FKBP1B: variants seen among roughly 807,000 people sequenced by gnomAD.
FKBP1B encodes FKBP prolyl isomerase 1B.
A neutral mutation model predicts 13.5 loss-of-function variants in FKBP1B; 4 were observed. The observed-to-expected ratio is 0.30, with a 90% CI of 0.15 to 0.68. The LOEUF (loss-of-function observed/expected upper bound fraction) is 0.68. Among genes scored for constraint, FKBP1B ranks in the 30% least tolerant of loss-of-function variants. FKBP1B has a pLI of 0.76. For synonymous variants in FKBP1B, 54 were observed against 53.6 expected, an observed-to-expected ratio of 1.01 and a Z score of -0.03; for missense variants, 93 against 136.2, an observed-to-expected ratio of 0.68 and a Z score of 1.58.
chr2:24,040,755 G>A, the FKBP1B span, among the ~76,000 whole-genome samples: 1,319 of 152,266 alleles, frequency 8.7e-3, 6 homozygotes, highest in Non-Finnish European at 0.013. Flanking sequence ...GGTGACTCAC[G>A]CCTATAATCC....
chr2:24,049,735 G>A (rs1663756325), upstream of FKBP1B: 2 of 812,692 alleles, frequency 2.5e-6, no homozygotes, highest in South Asian at 4.9e-5. Flanking sequence ...CACCTCCTCC[G>A]GCTCTGCAGT....
the FKBP1B span, among the ~76,000 whole-genome samples, chr2:24,036,427 T>C: frequency 6.6e-6 from 1 of 151,604 alleles, no homozygotes; most frequent in African/African-American, 2.4e-5. Context: ...GGGTCACTGA[T>C]CAGATTGGTG....
At chr2:24,063,019 C>T (rs1311791944) in intron 3 of FKBP1B, 45 bp from the exon 4 acceptor site, 4 of 1,614,114 alleles carry the variant, frequency 2.5e-6, no homozygotes, top group Non-Finnish European at 3.4e-6. Context: ...TTAAATCAAG[C>T]TGGGTCCTCT....
the FKBP1B span, among the ~76,000 whole-genome samples, chr2:24,044,285 G>A: frequency 1.3e-4 from 19 of 151,428 alleles, no homozygotes; most frequent in South Asian, 3.1e-3. Flanking sequence ...TGGGGGGGGC[G>A]TGGGGGCACA....
intron 2 of FKBP1B, among the ~76,000 whole-genome samples, chr2:24,055,176 G>T (rs960729887): frequency 1.3e-5 from 2 of 151,226 alleles, no homozygotes; most frequent in Non-Finnish European, 2.9e-5. Flanking sequence ...CTCCCTAGAG[G>T]TAGCTATCAT....
Position 24,053,341 on chromosome 2 carries a change from G to T in FKBP1B, c.38-561G>T, listed in dbSNP as rs78204617. Among the ~76,000 whole-genome samples, 1,004 of 147,528 alleles carry T rather than the reference G, an allele frequency of 6.8e-3. 7 individuals carry two copies. The highest frequency in any genetic ancestry group is 0.025 in the African/African-American group (971 of 39,532). On this transcript the variant is annotated intron_variant, in intron 1 of 3. Coordinates refer to ENST00000380986, the MANE Select transcript of FKBP1B (RefSeq NM_004116.5). ...ATGGGGTCTCCCTATGTTACCCAGG[G>T]TGATCTAGAACTCCTGAGCTCAAGT...
At chr2:24,052,089 C>T (rs561641653) in intron 1 of FKBP1B, among the ~76,000 whole-genome samples, 2 of 152,278 alleles carry the variant, frequency 1.3e-5, no homozygotes, top group South Asian at 4.1e-4. Context: ...TCATCCTGGA[C>T]CCCATTTCCA....
chr2:24,058,577 A>C (rs1204855909), intron 2 of FKBP1B, among the ~76,000 whole-genome samples: 3 of 152,230 alleles, frequency 2.0e-5, no homozygotes, highest in African/African-American at 7.2e-5. Context: ...CTAAGGAATG[A>C]GAAAGGAAAG....
the FKBP1B span, chr2:24,038,014 G>A: frequency 6.2e-7 from 1 of 1,614,150 alleles, no homozygotes; most frequent in African/African-American, 1.3e-5. Flanking sequence ...TTTAATAAGT[G>A]TTCTTCCAGG....
chr2:24,045,523 C>T (rs1026592838), upstream of FKBP1B, among the ~76,000 whole-genome samples: 2 of 150,984 alleles, frequency 1.3e-5, no homozygotes, highest in Admixed American at 6.6e-5. Flanking sequence ...ATCGCTTGAA[C>T]CCGGCTGGCG....
chr2:24,053,287 ATTT>A (rs34185660), intron 1 of FKBP1B, among the ~76,000 whole-genome samples: 17 of 110,106 alleles, frequency 1.5e-4, no homozygotes, highest in Admixed American at 3.9e-4. Context: ...AATTGAAAAG[ATTT>A]TTTTTTTTTT....
intron 3 of FKBP1B, 118 bp from the exon 4 acceptor site, chr2:24,062,946 G>T (rs562358257): frequency 1.0e-4 from 150 of 1,445,162 alleles, no homozygotes; most frequent in Non-Finnish European, 1.3e-4. Context: ...ATTCATCTGA[G>T]ATCTTCAGAG....
chr2:24,038,468 C>T, the FKBP1B span: 1 of 1,614,212 alleles, frequency 6.2e-7, no homozygotes, highest in Non-Finnish European at 8.5e-7. Flanking sequence ...GCTATCAGAT[C>T]AGGAACCAGA....
chr2:24,045,481 G>T (rs1049657107), upstream of FKBP1B, among the ~76,000 whole-genome samples: 5 of 151,660 alleles, frequency 3.3e-5, no homozygotes, highest in African/African-American at 1.2e-4. Context: ...TGTGCCTGTA[G>T]TTCCAGCTAC....
chr2:24,053,785 G>A (rs1249184654), intron 1 of FKBP1B, 117 bp from the exon 2 acceptor site: 5 of 941,246 alleles, frequency 5.3e-6, no homozygotes, highest in Middle Eastern at 2.2e-4. Flanking sequence ...AGGGCCACAG[G>A]CATCTCCATG....
At chr2:24,062,015 G>T (rs990786198) in intron 3 of FKBP1B, among the ~76,000 whole-genome samples, 2 of 149,724 alleles carry the variant, frequency 1.3e-5, no homozygotes, top group East Asian at 3.9e-4. Flanking sequence ...GACTACAGGC[G>T]CCCGCCACCA....
chr2:24,059,720 C>T lies in FKBP1B; in HGVS notation c.86-1094C>T, dbSNP rs565701029. On this transcript the variant is annotated intron_variant, in intron 2 of 3. Coordinates refer to ENST00000380986, the MANE Select transcript of FKBP1B (RefSeq NM_004116.5). ...ACCAGCCTGGCCAACATAGCAAAACCCCATCTCTACTAAAAATATAAAAAA... is the reference window on the plus strand; with the variant it reads ...ACCAGCCTGGCCAACATAGCAAAACTCCATCTCTACTAAAAATATAAAAAA... 4.6e-5 allele frequency among the ~76,000 whole-genome samples: 7 copies of T among 151,656 alleles called. No homozygotes were observed. The East Asian group carries it at 1.4e-3, about 29-fold the overall frequency.
chr2:24,039,612 A>G, the FKBP1B span: 1 of 1,055,256 alleles, frequency 9.5e-7, no homozygotes, highest in Non-Finnish European at 1.4e-6. Flanking sequence ...TCCCAGGTTA[A>G]TAATGTGGAG....
Position 24,049,784 on chromosome 2 carries a change from G to GGCCGGAGCCGA in FKBP1B, c.-60_-50dup, listed in dbSNP as rs1439344346. On this transcript the variant is annotated 5_prime_UTR_variant, in exon 1 of 4. Coordinates refer to ENST00000380986, the MANE Select transcript of FKBP1B (RefSeq NM_004116.5). ...CGAGCCGGAGCGACGGCGGGGCTGG[G>GGCCGGAGCCGA]GCCGGAGCCGAGCCGGGGTCGGGCA... 15 of 1,279,584 alleles carry GGCCGGAGCCGA rather than the reference G, an allele frequency of 1.2e-5. No individual in the cohort carries two copies. Among genetic ancestry groups the GGCCGGAGCCGA allele is most frequent in the Non-Finnish European group, 4.0e-6 (4 of 1,000,844 alleles). 79.3% of individuals were successfully genotyped at this position (1,279,584 alleles called of 1,614,324 possible). A position where few individuals can be genotyped will look rare whatever the true frequency, so the allele number is the denominator to read the frequency against.
Sources: allele counts gnomAD v4.1 joint callset (sites outside exome capture counted in the v4.1 genomes callset), GRCh38; gene constraint gnomAD v4.1.1; transcripts MANE v1.5; gene names NCBI Gene and HGNC (gene_info 2026-07-23, HGNC 2026-07-21).